The following TEX2 variants were observed in gnomAD, a reference collection of about 807,000 sequenced individuals.
The protein encoded by TEX2 is testis expressed 2.
Under a neutral mutation model 106.9 loss-of-function variants are expected in TEX2, and 53 were observed. The observed-to-expected ratio is 0.50, with a 90% CI of 0.40 to 0.62. The LOEUF is 0.62. Among genes scored for constraint, TEX2 ranks in the 20% least tolerant of loss-of-function variants. The probability of loss-of-function intolerance (pLI) is 0.00; values close to 1 mark genes in which losing one functional copy is unlikely to be tolerated. For missense variants in TEX2, 1,207 were observed against 1,379.0 expected, an observed-to-expected ratio of 0.88 and a Z score of 1.98; for synonymous variants, 523 against 534.8, an observed-to-expected ratio of 0.98 and a Z score of 0.30.
intron 7 of TEX2, 62 bp downstream of exon 7, chr17:64,171,038 G>A: frequency 7.6e-7 from 1 of 1,321,206 alleles, no homozygotes. Context: ...AAGCCATCAT[G>A]GTACTGAATC....
chr17:64,186,329 T>C (rs1433092287), intron 5 of TEX2, among the ~76,000 whole-genome samples: 2 of 152,172 alleles, frequency 1.3e-5, no homozygotes, highest in Non-Finnish European at 2.9e-5. Flanking sequence ...GAGGGAGGTC[T>C]GCTTCCCACT....
intron 1 of TEX2, among the ~76,000 whole-genome samples, chr17:64,233,433 C>T (rs1231952752): frequency 6.6e-6 from 1 of 151,964 alleles, no homozygotes. Context: ...ATTAGCCAGG[C>T]GCGGTGGCAG....
chr17:64,170,499 C>G (rs553922102), intron 7 of TEX2, among the ~76,000 whole-genome samples: 1 of 152,226 alleles, frequency 6.6e-6, no homozygotes, highest in East Asian at 1.9e-4. Flanking sequence ...CTGGCAAGGG[C>G]TGCAACCCCT....
chr17:64,203,124 A>G (rs2032722869), intron 2 of TEX2, among the ~76,000 whole-genome samples: 1 of 152,242 alleles, frequency 6.6e-6, no homozygotes, highest in South Asian at 2.1e-4. Flanking sequence ...TGCCAATCAG[A>G]AGTTCAAGGC....
At chr17:64,222,031 A>T (rs2033371211) in intron 1 of TEX2, among the ~76,000 whole-genome samples, 1 of 152,174 alleles carries the variant, frequency 6.6e-6, no homozygotes, top group African/African-American at 2.4e-5. Flanking sequence ...AAATGGGGAG[A>T]TGTTGTTTAA....
chr17:64,151,859 C>T (rs1015897221), intron 10 of TEX2, among the ~76,000 whole-genome samples: 2 of 152,102 alleles, frequency 1.3e-5, no homozygotes, highest in African/African-American at 4.8e-5. Context: ...AAAGACCATA[C>T]AATATATTAA....
intron 1 of TEX2, among the ~76,000 whole-genome samples, chr17:64,243,290 A>C (rs1248979430): frequency 1.3e-5 from 2 of 152,220 alleles, no homozygotes; most frequent in Non-Finnish European, 2.9e-5. Flanking sequence ...AAAAACCCAC[A>C]AGGTCAAAGG....
At chr17:64,219,033 A>G (rs2033274522) in intron 1 of TEX2, among the ~76,000 whole-genome samples, 1 of 152,168 alleles carries the variant, frequency 6.6e-6, no homozygotes, top group South Asian at 2.1e-4. Context: ...AGTTATTCCG[A>G]GAAATACTTT....
Position 64,172,577 on chromosome 17 carries a change from C to T in TEX2, c.2572-1378G>A, listed in dbSNP as rs551276961. On this transcript the variant is annotated intron_variant, in intron 6 of 11. Transcript: ENST00000584379. ...AGTGTTGGGCATTTGTCCCCCCCAT[C>T]TACTGAAGGCCACAGCTCCTGTAAC... Among the ~76,000 whole-genome samples, 12 of 152,180 alleles carry T rather than the reference C, an allele frequency of 7.9e-5. 1 individual carries two copies. The East Asian group carries it at 2.3e-3, about 29-fold the overall frequency.
intron 1 of TEX2, among the ~76,000 whole-genome samples, chr17:64,226,651 C>T (rs2143260507): frequency 2.0e-5 from 3 of 152,254 alleles, no homozygotes; most frequent in Middle Eastern, 6.8e-3. Flanking sequence ...AAAACTCAAC[C>T]TTACTAAAAA....
intron 1 of TEX2, among the ~76,000 whole-genome samples, chr17:64,232,361 A>G (rs898272634): frequency 9.2e-5 from 14 of 152,112 alleles, no homozygotes; most frequent in Admixed American, 4.6e-4. Flanking sequence ...TGTTGGCCAC[A>G]TGTTTTTCAA....
rs558807508 is a variant in TEX2 at position 64,152,767 on chromosome 17, C to T, written c.3140+178G>A. Reference sequence around the variant, plus strand: ...TGAATTCTTGAATGTGAATTCACCACTCACAGAAGAAAGTACCATCAGATT... The same window carrying T: ...TGAATTCTTGAATGTGAATTCACCATTCACAGAAGAAAGTACCATCAGATT... On this transcript the variant is annotated intron_variant, in intron 10 of 11. Coordinates refer to ENST00000584379, the MANE Select transcript of TEX2 (RefSeq NM_001288732.2). 1.7e-4 allele frequency among the ~76,000 whole-genome samples: 26 copies of T among 152,340 alleles called. No individual in the cohort carries two copies. In the South Asian group the frequency reaches 5.2e-3, roughly 30 times the overall value.
chr17:64,214,581 G>C (rs1388439069), intron 1 of TEX2, among the ~76,000 whole-genome samples: 1 of 152,174 alleles, frequency 6.6e-6, no homozygotes, highest in Non-Finnish European at 1.5e-5. Flanking sequence ...AACAATAGAT[G>C]TTACCAGCAT....
chr17:64,156,066 C>T (rs543231753), intron 8 of TEX2: 1 of 152,320 alleles, frequency 6.6e-6, no homozygotes, highest in African/African-American at 2.4e-5. Flanking sequence ...GGGCCTATCT[C>T]CCTGCAGCTG....
chr17:64,167,012 T>C (rs566068970), intron 7 of TEX2, among the ~76,000 whole-genome samples: 2 of 151,786 alleles, frequency 1.3e-5, no homozygotes, highest in South Asian at 4.2e-4. Flanking sequence ...GTGTGTGGAG[T>C]GAGGAGGCGT....
At chr17:64,222,042 T>C (rs1227913356) in intron 1 of TEX2, among the ~76,000 whole-genome samples, 1 of 152,216 alleles carries the variant, frequency 6.6e-6, no homozygotes, top group Non-Finnish European at 1.5e-5. Flanking sequence ...TGTTGTTTAA[T>C]GGATACAGAA....
At position 64,222,475 on chromosome 17, in the gene TEX2, G is replaced by A. The variant is rs146332611; in HGVS notation, c.-25-8233C>T. Among the ~76,000 whole-genome samples, 918 of 144,286 alleles carry A rather than the reference G, an allele frequency of 6.4e-3. 6 individuals are homozygous for A. The highest frequency in any genetic ancestry group is 0.022 in the African/African-American group (856 of 38,578). 94.7% of individuals were successfully genotyped at this position (144,286 alleles called of 152,430 possible). ...AGAGGTTGCAGTGAGCTGAGATCGCGCCACTGCACTCCAGCCTGGCAACAG... is the reference window on the plus strand; with the variant it reads ...AGAGGTTGCAGTGAGCTGAGATCGCACCACTGCACTCCAGCCTGGCAACAG... On this transcript the variant is annotated intron_variant, in intron 1 of 11. Coordinates refer to ENST00000584379, the MANE Select transcript of TEX2 (RefSeq NM_001288732.2).
intron 1 of TEX2, among the ~76,000 whole-genome samples, chr17:64,231,450 T>C (rs1051629687): frequency 1.3e-5 from 2 of 152,186 alleles, no homozygotes; most frequent in Non-Finnish European, 2.9e-5. Flanking sequence ...AAGGAGAGAC[T>C]GAATGCAGGC....
At chr17:64,258,499 T>C (rs1461725550) in intron 1 of TEX2, among the ~76,000 whole-genome samples, 1 of 152,036 alleles carries the variant, frequency 6.6e-6, no homozygotes, top group Non-Finnish European at 1.5e-5. Context: ...ATTCATAGGG[T>C]GGTATAAAGT....
Sources: allele counts gnomAD v4.1 joint callset (sites outside exome capture counted in the v4.1 genomes callset), GRCh38; gene constraint gnomAD v4.1.1; transcripts MANE v1.5; gene names NCBI Gene and HGNC (gene_info 2026-07-23, HGNC 2026-07-21).